The following CSMD1 variants were observed in gnomAD, a reference collection of about 807,000 sequenced individuals.
CSMD1 encodes CUB and Sushi multiple domains 1, also known as CUB and sushi domain-containing protein 1.
CSMD1 carries 213 observed loss-of-function variants against 417.5 expected under a neutral mutation model. The observed-to-expected ratio is 0.51, with a 90% CI of 0.46 to 0.57. The LOEUF (loss-of-function observed/expected upper bound fraction) is 0.57. Ranked by LOEUF, CSMD1 falls within the 20% of genes least tolerant of loss-of-function variation. The pLI, the probability that CSMD1 is intolerant of heterozygous loss-of-function variation, is 0.00. For missense variants in CSMD1, 6,923 were observed against 4,529.7 expected (o/e 1.53, Z -15.17); for synonymous variants, 2,862 against 1,736.8 (o/e 1.65, Z -16.11).
chr8:4,511,628 A>C (rs1332277927), intron 2 of CSMD1, among the ~76,000 whole-genome samples: 1 of 152,136 alleles, frequency 6.6e-6, no homozygotes, highest in African/African-American at 2.4e-5. Flanking sequence ...GAACTACAGA[A>C]AGTGATGGTA....
rs989595793 is a variant in CSMD1, at chr8:4,616,644, T to C, written c.302+20698A>G. On this transcript the variant is annotated intron_variant, in intron 2 of 69. Transcript: ENST00000635120. The stretch of plus-strand genomic sequence containing the variant: ...AACTACTGACAGCTGACATTGGACA[T>C]GCCAACGCTTGAGAAAGAGCCAACA... Among the ~76,000 whole-genome samples, 32 of 152,324 alleles carry C rather than the reference T, an allele frequency of 2.1e-4. 1 individual carries two copies. Among genetic ancestry groups the C allele is most frequent in the Middle Eastern group, 3.4e-3 (1 of 294 alleles).
intron 3 of CSMD1, among the ~76,000 whole-genome samples, chr8:4,327,639 C>A (rs142536324): frequency 0.018 from 2,810 of 152,146 alleles, 40 homozygotes; most frequent in Middle Eastern, 0.034. Flanking sequence ...ACAACAACAA[C>A]AAAAAACAAC....
chr8:3,497,277 T>A (rs1796405857), intron 10 of CSMD1, among the ~76,000 whole-genome samples: 1 of 152,188 alleles, frequency 6.6e-6, no homozygotes, highest in African/African-American at 2.4e-5. Flanking sequence ...TATATTGGAG[T>A]CTATCTCTCC....
At chr8:3,393,148 G>T (rs1302621543) in intron 17 of CSMD1, among the ~76,000 whole-genome samples, 1 of 152,100 alleles carries the variant, frequency 6.6e-6, no homozygotes, top group African/African-American at 2.4e-5. Context: ...TCTCCCTTAA[G>T]TCAGAGGAAT....
intron 3 of CSMD1, among the ~76,000 whole-genome samples, chr8:4,409,335 C>T (rs184414308): frequency 9.2e-5 from 14 of 152,234 alleles, no homozygotes; most frequent in South Asian, 6.2e-4. Context: ...AAATCTATGT[C>T]ATTCTCTCAC....
intron 2 of CSMD1, among the ~76,000 whole-genome samples, chr8:4,587,097 T>A (rs1254785253): frequency 2.6e-5 from 4 of 152,184 alleles, no homozygotes; most frequent in Admixed American, 2.6e-4. Context: ...TATGACAATA[T>A]CCTACAGAGG....
At chr8:3,737,008 G>C (rs1796555438) in intron 6 of CSMD1, among the ~76,000 whole-genome samples, 1 of 152,198 alleles carries the variant, frequency 6.6e-6, no homozygotes, top group Non-Finnish European at 1.5e-5. Flanking sequence ...GTGACATTCA[G>C]CACACGACTG....
chr8:2,959,137 T>C (rs1333212682), intron 62 of CSMD1, among the ~76,000 whole-genome samples: 1 of 152,224 alleles, frequency 6.6e-6, no homozygotes, highest in Non-Finnish European at 1.5e-5. Context: ...AGGGCCTCTC[T>C]CTATTGCCCA....
At chr8:2,987,559 G>C (rs968938684) in intron 54 of CSMD1, among the ~76,000 whole-genome samples, 1 of 152,072 alleles carries the variant, frequency 6.6e-6, no homozygotes, top group African/African-American at 2.4e-5. Flanking sequence ...GATTGATACA[G>C]TACTTCTCTT....
intron 25 of CSMD1, among the ~76,000 whole-genome samples, chr8:3,306,240 C>G (rs947720167): frequency 1.6e-4 from 25 of 152,078 alleles, no homozygotes; most frequent in Middle Eastern, 3.4e-3. Flanking sequence ...TGAATAAGGA[C>G]AAAAATCATT....
At chr8:4,006,454 G>C (rs139720130) in intron 4 of CSMD1, among the ~76,000 whole-genome samples, 1 of 152,314 alleles carries the variant, frequency 6.6e-6, no homozygotes, top group East Asian at 1.9e-4. Flanking sequence ...TGAGGCCGAA[G>C]AATCGCTTGA....
At chr8:3,859,547 A>G (rs1440209677) in intron 5 of CSMD1, among the ~76,000 whole-genome samples, 1 of 152,160 alleles carries the variant, frequency 6.6e-6, no homozygotes, top group Non-Finnish European at 1.5e-5. Context: ...GGGCGAGGCT[A>G]ACTACATCTA....
At chr8:4,102,692 A>T (rs1290560977) in intron 3 of CSMD1, among the ~76,000 whole-genome samples, 1 of 152,194 alleles carries the variant, frequency 6.6e-6, no homozygotes, top group Non-Finnish European at 1.5e-5. Flanking sequence ...ATTTACTGAT[A>T]ATGTTCTCCT....
intron 1 of CSMD1, among the ~76,000 whole-genome samples, chr8:4,688,423 C>T (rs189528759): frequency 1.7e-3 from 259 of 152,150 alleles, no homozygotes; most frequent in African/African-American, 6.1e-3. Flanking sequence ...TATACCAAAC[C>T]AAGAAGGGTG....
At chr8:3,430,931 T>A (rs1220774976) in intron 12 of CSMD1, among the ~76,000 whole-genome samples, 1 of 152,208 alleles carries the variant, frequency 6.6e-6, no homozygotes, top group Non-Finnish European at 1.5e-5. Context: ...CATTGAATAG[T>A]TGCATGACTA....
intron 5 of CSMD1, among the ~76,000 whole-genome samples, chr8:3,951,587 A>C (rs1050020576): frequency 6.6e-6 from 1 of 152,206 alleles, no homozygotes; most frequent in Non-Finnish European, 1.5e-5. Flanking sequence ...ATCATAGAAA[A>C]CAACGAGAGA....
intron 10 of CSMD1, among the ~76,000 whole-genome samples, chr8:3,552,934 T>A (rs148548110): frequency 0.012 from 1,797 of 152,270 alleles, 42 homozygotes; most frequent in African/African-American, 0.041. Context: ...CTGTTATAAT[T>A]TTTGATAAAA....
chr8:3,776,138 T>G (rs976825687), intron 5 of CSMD1, among the ~76,000 whole-genome samples: 4 of 152,098 alleles, frequency 2.6e-5, no homozygotes, highest in Non-Finnish European at 4.4e-5. Flanking sequence ...CTGCACACAC[T>G]CTGCTCATCT....
intron 1 of CSMD1, among the ~76,000 whole-genome samples, chr8:4,950,455 G>C (rs1159144353): frequency 6.6e-6 from 1 of 152,106 alleles, no homozygotes; most frequent in African/African-American, 2.4e-5. Context: ...TTGTGAAAAA[G>C]CAGAACACCT....
Sources: allele counts gnomAD v4.1 joint callset (sites outside exome capture counted in the v4.1 genomes callset), GRCh38; gene constraint gnomAD v4.1.1; transcripts MANE v1.5; gene names NCBI Gene and HGNC (gene_info 2026-07-23, HGNC 2026-07-21).